Variants in EXOC4 observed in about 807,000 individuals in gnomAD.
The protein encoded by EXOC4 is exocyst complex component 4.
A neutral mutation model predicts 107.2 loss-of-function variants in EXOC4; 71 were observed. The ratio of observed to expected loss-of-function variants is 0.66; its 90% CI spans 0.55 to 0.81. The LOEUF (loss-of-function observed/expected upper bound fraction) is 0.81, where lower values mean the gene tolerates loss of function less well. Among genes scored for constraint, EXOC4 ranks in the 30% least tolerant of loss-of-function variants. The probability of loss-of-function intolerance (pLI) is 0.00; values close to 1 mark genes in which losing one functional copy is unlikely to be tolerated. For synonymous variants in EXOC4, 456 were observed against 441.2 expected (o/e 1.03, Z -0.42); for missense variants, 1,108 against 1,189.6 (o/e 0.93, Z 1.01).
Position 133,917,743 on chromosome 7 carries a change from A to G in EXOC4, c.2027+5A>G. 6.2e-7 allele frequency: 1 copy of G among 1,613,622 alleles called. No individual in the cohort carries two copies. Among genetic ancestry groups the G allele is most frequent in the Non-Finnish European group, 8.5e-7 (1 of 1,179,796 alleles). ...GGAGGAAGAAGATTTCATAAGGTAA[A>G]AGGTCCATTTTCTAAGTTGTCCTAA... On this transcript the variant is annotated splice_donor_5th_base_variant and intron_variant, in intron 13 of 17. Transcript: ENST00000253861.
At chr7:133,301,843 A>G (rs1211747513) in intron 3 of EXOC4, among the ~76,000 whole-genome samples, 2 of 152,166 alleles carry the variant, frequency 1.3e-5, no homozygotes, top group African/African-American at 4.8e-5. Context: ...GAGAATGGCC[A>G]AGTTTAGTGT....
chr7:133,475,917 G>GT (rs138735479), intron 8 of EXOC4, among the ~76,000 whole-genome samples: 1,945 of 151,508 alleles, frequency 0.013, 39 homozygotes, highest in African/African-American at 0.043. Flanking sequence ...AACAATCTGG[G>GT]TTTTTTTTTA....
intron 14 of EXOC4, among the ~76,000 whole-genome samples, chr7:133,938,423 C>T (rs1448039181): frequency 1.3e-5 from 2 of 152,162 alleles, no homozygotes; most frequent in East Asian, 1.9e-4. Context: ...AGGGCAGAAA[C>T]TGTCTCGGAG....
the EXOC4 span, among the ~76,000 whole-genome samples, chr7:134,075,932 T>C: frequency 0.22 from 32,955 of 152,070 alleles, 5,471 homozygotes; most frequent in African/African-American, 0.47. Flanking sequence ...GCAGTGGACA[T>C]ATGAGGTAAG....
chr7:133,404,395 G>A (rs1273233943), intron 7 of EXOC4, among the ~76,000 whole-genome samples: 5 of 152,018 alleles, frequency 3.3e-5, no homozygotes, highest in South Asian at 2.1e-4. Context: ...GAGCCACCGC[G>A]CCCAGCCCCT....
intron 10 of EXOC4, among the ~76,000 whole-genome samples, chr7:133,778,589 A>C (rs1796395816): frequency 6.6e-6 from 1 of 152,216 alleles, no homozygotes; most frequent in Non-Finnish European, 1.5e-5. Context: ...GTCTCAAAAA[A>C]CAAAGACTTC....
intron 7 of EXOC4, among the ~76,000 whole-genome samples, chr7:133,451,233 T>C (rs537221801): frequency 2.1e-5 from 3 of 144,972 alleles, no homozygotes; most frequent in African/African-American, 7.5e-5. Context: ...TTTTTTTTTT[T>C]AAATCTTTTG....
At chr7:133,253,548 AC>A (rs1794943119) in intron 1 of EXOC4, 2 of 1,000,112 alleles carry the variant, frequency 2.0e-6, no homozygotes, top group African/African-American at 1.7e-5. Context: ...AGCAGCACTC[AC>A]TGAGAAAGGC....
At chr7:133,770,825 C>T (rs1054609531) in intron 10 of EXOC4, among the ~76,000 whole-genome samples, 4 of 151,852 alleles carry the variant, frequency 2.6e-5, no homozygotes, top group African/African-American at 7.3e-5. Flanking sequence ...ATTTTTCATA[C>T]ATGTGTTTGA....
At chr7:134,016,988 T>C (rs1359973980) in intron 17 of EXOC4, among the ~76,000 whole-genome samples, 1 of 152,238 alleles carries the variant, frequency 6.6e-6, no homozygotes, top group Non-Finnish European at 1.5e-5. Context: ...GTGACTTGGC[T>C]TGAAAATGTG....
At chr7:133,788,308 A>G (rs1008123952) in intron 10 of EXOC4, among the ~76,000 whole-genome samples, 7 of 151,766 alleles carry the variant, frequency 4.6e-5, no homozygotes, top group African/African-American at 1.5e-4. Context: ...CTCAGTTCAT[A>G]TATCTACTGC....
intron 17 of EXOC4, among the ~76,000 whole-genome samples, chr7:134,015,351 G>A (rs1794878333): frequency 2.0e-5 from 3 of 152,310 alleles, no homozygotes; most frequent in Admixed American, 6.5e-5. Context: ...GTTCACTGCT[G>A]TAGCCCCAGG....
intron 10 of EXOC4, chr7:133,768,533 C>G (rs890126031): frequency 6.6e-6 from 1 of 151,994 alleles, no homozygotes; most frequent in Admixed American, 6.6e-5. Context: ...TTTTCAAGTT[C>G]AAACTGTCAC....
chr7:133,866,126 TTGAG>T (rs1798634990), intron 11 of EXOC4, among the ~76,000 whole-genome samples: 1 of 152,206 alleles, frequency 6.6e-6, no homozygotes, highest in Admixed American at 6.5e-5. Flanking sequence ...CACATTACTA[TTGAG>T]TAACATGCTT....
chr7:133,307,437 A>G (rs529065541), intron 4 of EXOC4, among the ~76,000 whole-genome samples: 18 of 152,310 alleles, frequency 1.2e-4, no homozygotes, highest in Middle Eastern at 3.4e-3. Flanking sequence ...TTCTTCCCAT[A>G]CAAGGTTAAG....
intron 13 of EXOC4, among the ~76,000 whole-genome samples, chr7:133,917,970 A>G (rs1198573578): frequency 6.6e-6 from 1 of 151,884 alleles, no homozygotes; most frequent in African/African-American, 2.4e-5. Flanking sequence ...ACATTGCTAA[A>G]TTGGATTAAA....
At chr7:133,449,080 C>A (rs2150805121) in intron 7 of EXOC4, among the ~76,000 whole-genome samples, 1 of 152,124 alleles carries the variant, frequency 6.6e-6, no homozygotes, top group South Asian at 2.1e-4. Flanking sequence ...TGCACTCCAG[C>A]CTGGGTGACA....
chr7:133,347,908 A>G (rs1168580078), intron 5 of EXOC4, among the ~76,000 whole-genome samples: 2 of 152,228 alleles, frequency 1.3e-5, no homozygotes, highest in Non-Finnish European at 2.9e-5. Context: ...CCCTCAGAGC[A>G]GAAAAATCAA....
intron 11 of EXOC4, among the ~76,000 whole-genome samples, chr7:133,848,280 C>A (rs545317410): frequency 6.6e-6 from 1 of 152,202 alleles, no homozygotes; most frequent in African/African-American, 2.4e-5. Context: ...GAGGAGGATG[C>A]CCCCAGGGTC....
Sources: gnomAD v4.1 joint callset for allele counts (sites outside exome capture counted in the v4.1 genomes callset) on GRCh38, gnomAD v4.1.1 for gene constraint, MANE v1.5 for transcripts, NCBI Gene and HGNC (gene_info 2026-07-23, HGNC 2026-07-21) for gene names.